Variants in GTF3C1 observed in about 807,000 individuals in gnomAD.
GTF3C1 encodes general transcription factor IIIC subunit 1.
In GTF3C1, 57 loss-of-function variants were observed where a neutral mutation model predicts 226.7. The observed-to-expected ratio is 0.25, with a 90% confidence interval of 0.20 to 0.31. The LOEUF (loss-of-function observed/expected upper bound fraction) is 0.31, where lower values mean the gene tolerates loss of function less well. Among genes scored for constraint, GTF3C1 ranks in the 10% least tolerant of loss-of-function variants. The pLI, the probability that GTF3C1 is intolerant of heterozygous loss-of-function variation, is 1.00. For synonymous variants in GTF3C1, 1,090 were observed against 1,084.8 expected (o/e 1.00, Z -0.09); for missense variants, 2,217 against 2,776.1 (o/e 0.80, Z 4.53).
At chr16:27,546,774 CTTTTT>C (rs573024825) in intron 1 of GTF3C1, among the ~76,000 whole-genome samples, 1 of 151,542 alleles carries the variant, frequency 6.6e-6, no homozygotes, top group Non-Finnish European at 1.5e-5. Flanking sequence ...CCCTCCATTC[CTTTTT>C]TTTAAGACTT....
At chr16:27,478,844 T>C (rs1596620349) in intron 27 of GTF3C1, among the ~76,000 whole-genome samples, 1 of 135,248 alleles carries the variant, frequency 7.4e-6, no homozygotes, top group Admixed American at 7.4e-5. Flanking sequence ...GTGGGTGTGT[T>C]ACAATCCAAA....
In GTF3C1 at chr16:27,528,638, T is replaced by C. The variant is rs1431044427; in HGVS notation, c.933A>G (p.Gln311=). Residue 311 remains glutamine (Q), a synonymous_variant, in exon 6 of 37, where the codon CAA becomes CAG. Transcript: ENST00000356183. ...AAGGTCCACATTCAGGGTGGATCTC[T>C]TGCAAGCGAAGAGACACCACCTTGG... The part of the protein sequence containing the change: ...GLAKVVSLRL[Q]EIHPECGPCK... 1 of 1,611,254 alleles carries C rather than the reference T, an allele frequency of 6.2e-7. No individual in the cohort carries two copies. The highest frequency in any genetic ancestry group is 1.3e-5 in the African/African-American group (1 of 74,834).
At chr16:27,522,194 C>T (rs1194491387) in intron 6 of GTF3C1, among the ~76,000 whole-genome samples, 1 of 152,206 alleles carries the variant, frequency 6.6e-6, no homozygotes, top group Non-Finnish European at 1.5e-5. Flanking sequence ...ATTCACAGGC[C>T]TCTGCATCCA....
Position 27,462,897 on chromosome 16 carries a change from T to G in GTF3C1, c.5925-411A>C. On this transcript the variant is annotated intron_variant, in intron 35 of 36. Coordinates refer to ENST00000356183, the MANE Select transcript of GTF3C1 (RefSeq NM_001520.4). This position sits in a 1 kb window ranked among gnomAD's most constrained non-coding sequence, Gnocchi z 4.5. ...CATGTGCAGAGTTCCAGGCACACTT[T>G]CCTCGAAACAGACGTTTCTGTTACT... 1 of 192,526 alleles carries G rather than the reference T, an allele frequency of 5.2e-6. No homozygotes were observed. Among genetic ancestry groups the G allele is most frequent in the African/African-American group, 2.3e-5 (1 of 43,300 alleles). The allele number at this position is 192,526 out of a possible 1,614,324, so 11.9% of individuals were successfully genotyped here.
intron 6 of GTF3C1, among the ~76,000 whole-genome samples, chr16:27,515,816 A>T (rs2088649410): frequency 6.6e-6 from 1 of 152,234 alleles, no homozygotes; most frequent in Admixed American, 6.5e-5. Context: ...GCTGGCATGG[A>T]GCAATCCCTC....
At chr16:27,479,397 T>C (rs1429206183) in intron 27 of GTF3C1, among the ~76,000 whole-genome samples, 1 of 152,220 alleles carries the variant, frequency 6.6e-6, no homozygotes, top group Non-Finnish European at 1.5e-5. Flanking sequence ...GTCATAGAAC[T>C]GCCTTTTTAT....
intron 26 of GTF3C1, 56 bp from the exon 27 acceptor site, chr16:27,481,247 T>G: frequency 7.0e-7 from 1 of 1,438,826 alleles, no homozygotes; most frequent in Non-Finnish European, 9.8e-7. Flanking sequence ...AGGGAGGTTT[T>G]GCTAAGATGC....
At chr16:27,501,381 C>G (rs1321773341) in intron 11 of GTF3C1, 37 bp from the exon 12 acceptor site, 3 of 1,601,864 alleles carry the variant, frequency 1.9e-6, no homozygotes, top group Non-Finnish European at 2.6e-6. Context: ...CACTCCCAAT[C>G]TCAACATGGA....
chr16:27,546,487 A>AG (rs2089165393), intron 1 of GTF3C1, among the ~76,000 whole-genome samples: 1 of 20,108 alleles, frequency 5.0e-5, no homozygotes, highest in South Asian at 8.6e-4. Flanking sequence ...TTTTTTTTTG[A>AG]AAAAAAAAAA....
At chr16:27,472,836 CT>C (rs1227730482) in intron 29 of GTF3C1, among the ~76,000 whole-genome samples, 4 of 152,220 alleles carry the variant, frequency 2.6e-5, no homozygotes, top group Non-Finnish European at 5.9e-5. Context: ...TTATATTATC[CT>C]GTTTTATTTT....
rs1314115174 is a variant in GTF3C1 at position 27,489,115 on chromosome 16, G to A, written c.3357C>T (p.Leu1119=). ...TGAGGTGTCCGTAGAAGCTGGAATC[G>A]AGCCCTGCGGCACCCAGCCCATCTC... ...IPGDGLGAAG[L]DSSFYGHLKR... The change falls in exon 21 of 37, where the codon CTC becomes CTT. Residue 1119 remains leucine, a synonymous_variant. Coordinates refer to ENST00000356183, the MANE Select transcript of GTF3C1 (RefSeq NM_001520.4). 6.2e-6 allele frequency: 10 copies of A among 1,613,798 alleles called. No individual in the cohort carries two copies. The highest frequency in any genetic ancestry group is 4.5e-5 in the East Asian group (2 of 44,878).
chr16:27,476,496 C>T lies in GTF3C1; in HGVS notation c.4308G>A (p.Thr1436=), dbSNP rs183917377. The T allele has an allele frequency of 5.5e-5, 88 of 1,613,328 alleles. No homozygotes were observed. The East Asian group carries it at 1.5e-3, about 27-fold the overall frequency. The change falls in exon 29 of 37, where the codon ACG becomes ACA. Residue 1436 remains threonine, a synonymous_variant. Coordinates refer to ENST00000356183, the MANE Select transcript of GTF3C1 (RefSeq NM_001520.4). ...FLVLQNLIQS[T]LALSDSQMKS... The stretch of plus-strand genomic sequence containing the variant: ...TCATCTGACTGTCTGAGAGGGCCAG[C>T]GTGCTCTGGATCAGGTTCTGAAGCA...
chr16:27,482,454 G>A (rs895130521), intron 26 of GTF3C1: 6 of 455,738 alleles, frequency 1.3e-5, no homozygotes, highest in African/African-American at 6.0e-5. Flanking sequence ...TTCCTCTTCC[G>A]GGAGCTGACT....
rs188913510 is a variant in GTF3C1 at position 27,524,462 on chromosome 16, A to G, written c.973+4136T>C. Among the ~76,000 whole-genome samples, 366 of 152,336 alleles carry G rather than the reference A, an allele frequency of 2.4e-3. 1 individual carries two copies. Among genetic ancestry groups the G allele is most frequent in the Non-Finnish European group, 3.6e-3 (244 of 68,026 alleles). On this transcript the variant is annotated intron_variant, in intron 6 of 36. Transcript: ENST00000356183. ...CACAATACCCTGGAAAGTGGGTACTATTACCCCCTAGATAATTCAGATGAG... is the reference window on the plus strand; with the variant it reads ...CACAATACCCTGGAAAGTGGGTACTGTTACCCCCTAGATAATTCAGATGAG...
At chr16:27,501,895 G>A (rs961750323) in intron 11 of GTF3C1, among the ~76,000 whole-genome samples, 56 of 152,274 alleles carry the variant, frequency 3.7e-4, no homozygotes, top group African/African-American at 1.3e-3. Flanking sequence ...TTGAGGTCAG[G>A]AGTTCGAGAC....
At chr16:27,476,336 T>C (rs1322483368) in intron 29 of GTF3C1, 115 bp downstream of exon 29, 3 of 633,942 alleles carry the variant, frequency 4.7e-6, no homozygotes, top group South Asian at 1.8e-5. Flanking sequence ...GGGCTGGCAT[T>C]TTGGGGGAAT....
intron 2 of GTF3C1, among the ~76,000 whole-genome samples, chr16:27,540,292 G>A (rs894913559): frequency 1.3e-5 from 2 of 152,280 alleles, no homozygotes; most frequent in Admixed American, 6.5e-5. Flanking sequence ...GTTATGTTGC[G>A]AATACACGAC....
intron 2 of GTF3C1, among the ~76,000 whole-genome samples, chr16:27,543,348 T>C (rs2141463155): frequency 6.6e-6 from 1 of 152,274 alleles, no homozygotes; most frequent in African/African-American, 2.4e-5. Context: ...ACTGTGCCAC[T>C]GTACTCCAGC....
At chr16:27,537,732 T>C (rs1341722100) in intron 4 of GTF3C1, 52 bp downstream of exon 4, 14 of 1,378,926 alleles carry the variant, frequency 1.0e-5, no homozygotes, top group Non-Finnish European at 1.4e-5. Flanking sequence ...TAAAGCATAC[T>C]ACACATGGCT....
Sources: allele counts gnomAD v4.1 joint callset (sites outside exome capture counted in the v4.1 genomes callset), GRCh38; gene constraint gnomAD v4.1.1; non-coding constraint Gnocchi (gnomAD v3.1); transcripts MANE v1.5; gene names NCBI Gene and HGNC (gene_info 2026-07-23, HGNC 2026-07-21).